The following MEGF10 variants were observed in gnomAD, a reference collection of about 807,000 sequenced individuals.
MEGF10 encodes the protein multiple epidermal growth factor-like domains protein 10.
In MEGF10, 86 loss-of-function variants were observed where a neutral mutation model predicts 147.5. The observed-to-expected ratio is 0.58, with a 90% CI of 0.49 to 0.70. The LOEUF is 0.70. MEGF10 is among the 30% of genes least tolerant of loss of function. MEGF10 has a pLI of 0.00. For synonymous variants in MEGF10, 478 were observed against 525.5 expected (o/e 0.91, Z 1.24); for missense variants, 1,329 against 1,487.3 (o/e 0.89, Z 1.75).
chr5:127,345,055 G>A (rs911464351), intron 4 of MEGF10, among the ~76,000 whole-genome samples: 19 of 152,268 alleles, frequency 1.2e-4, no homozygotes, highest in Middle Eastern at 6.8e-3. Context: ...GGGCCAGAGC[G>A]TCCTGGAGTT....
upstream of MEGF10, among the ~76,000 whole-genome samples, chr5:127,287,036 C>A (rs1004666534): frequency 6.6e-6 from 1 of 151,744 alleles, no homozygotes; most frequent in Non-Finnish European, 1.5e-5. Context: ...AGGAGAAAAA[C>A]CGTATAATAA....
the MEGF10 span, among the ~76,000 whole-genome samples, chr5:127,275,151 C>T: frequency 6.6e-6 from 1 of 152,166 alleles, no homozygotes; most frequent in Non-Finnish European, 1.5e-5. Context: ...ACTAACATAT[C>T]TGTTACCATA....
chr5:127,256,389 G>A, the MEGF10 span, among the ~76,000 whole-genome samples: 20 of 152,264 alleles, frequency 1.3e-4, no homozygotes, highest in African/African-American at 4.8e-4. Context: ...TACAACAGTC[G>A]TTTTGACCAA....
chr5:127,336,435 A>G (rs1290295765), intron 2 of MEGF10, among the ~76,000 whole-genome samples: 1 of 152,116 alleles, frequency 6.6e-6, no homozygotes, highest in Non-Finnish European at 1.5e-5. Context: ...AATCCTAAAT[A>G]CTTTGATTGT....
At chr5:127,275,703 T>C in the MEGF10 span, among the ~76,000 whole-genome samples, 1 of 152,160 alleles carries the variant, frequency 6.6e-6, no homozygotes, top group African/African-American at 2.4e-5. Context: ...TAAGGAAGGA[T>C]GGAAAAGTTT....
Position 127,438,507 on chromosome 5 carries a change from A to C in MEGF10, c.2173A>C (p.Ser725Arg), listed in dbSNP as rs1369014531. Residue 725 changes from serine to arginine, a missense_variant, in exon 17 of 25, where the codon AGC (serine) becomes CGC (arginine). By Grantham distance (110) the Ser-to-Arg change is moderately radical. Around this residue, in one of 3 missense-constraint regions of MEGF10, gnomAD observed 980 missense variants for 1,085.9 expected, o/e 0.90. Coordinates refer to ENST00000503335, the MANE Select transcript of MEGF10 (RefSeq NM_001256545.2). ...CAACTGCCATAATGGAGCTTTCTGCAGCGCCTACGATGGGGAATGTAAATG... is the reference window on the plus strand; with the variant it reads ...CAACTGCCATAATGGAGCTTTCTGCCGCGCCTACGATGGGGAATGTAAATG... Reference protein sequence around the residue: ...TCNCHNGAFCSAYDGECKCTP... With the variant: ...TCNCHNGAFCRAYDGECKCTP... The C allele has an allele frequency of 1.2e-6, 2 of 1,614,048 alleles. No individual in the cohort carries two copies. Among genetic ancestry groups the C allele is most frequent in the Non-Finnish European group, 1.7e-6 (2 of 1,180,000 alleles).
At chr5:127,267,819 C>T in the MEGF10 span, among the ~76,000 whole-genome samples, 1 of 152,042 alleles carries the variant, frequency 6.6e-6, no homozygotes, top group Non-Finnish European at 1.5e-5. Flanking sequence ...CTCTTTTCTT[C>T]TTTATTAGTC....
intron 4 of MEGF10, among the ~76,000 whole-genome samples, chr5:127,359,358 GT>G (rs1762393316): frequency 6.9e-6 from 1 of 145,462 alleles, no homozygotes; most frequent in Non-Finnish European, 1.5e-5. Context: ...GTTTTTTTTT[GT>G]TGTTTAAACA....
At chr5:127,412,336 A>G (rs1270065857) in intron 9 of MEGF10, among the ~76,000 whole-genome samples, 1 of 152,178 alleles carries the variant, frequency 6.6e-6, no homozygotes, top group Middle Eastern at 3.2e-3. Flanking sequence ...ATCTTGTTGA[A>G]TTAATCATTG....
intron 5 of MEGF10, among the ~76,000 whole-genome samples, chr5:127,393,521 G>T (rs1763782488): frequency 6.6e-6 from 1 of 152,174 alleles, no homozygotes. Flanking sequence ...TGTCCTACTT[G>T]TTCTTATACC....
chr5:127,387,594 C>T (rs1160270035), intron 5 of MEGF10, among the ~76,000 whole-genome samples: 2 of 152,134 alleles, frequency 1.3e-5, no homozygotes, highest in East Asian at 1.9e-4. Flanking sequence ...GGGTGTTCAG[C>T]GTGGCATAAG....
chr5:127,414,287 C>G (rs1764675667), intron 9 of MEGF10, among the ~76,000 whole-genome samples: 1 of 152,050 alleles, frequency 6.6e-6, no homozygotes, highest in South Asian at 2.1e-4. Flanking sequence ...TTGATTCTGC[C>G]TCACTACCTG....
In MEGF10 at chr5:127,417,741, A is replaced by T. The variant is rs769552696; in HGVS notation, c.1234A>T (p.Ile412Phe). The T allele has an allele frequency of 6.2e-7, 1 of 1,614,136 alleles. No individual in the cohort carries two copies. The highest frequency in any genetic ancestry group is 8.5e-7 in the Non-Finnish European group (1 of 1,180,028). ...PGFYGEACQQ[I>F]CSCQNGADCD... ...ATTCTACGGGGAAGCTTGCCAGCAG[A>T]TCTGCAGCTGCCAAAATGGGGCAGA... is the stretch of plus-strand genomic sequence containing the variant. Residue 412 changes from isoleucine (I) to phenylalanine (F), a missense_variant, in exon 10 of 25, where the codon ATC becomes TTC. Transcript: ENST00000503335.
chr5:127,286,521 A>G (rs185733895), upstream of MEGF10, among the ~76,000 whole-genome samples: 93 of 152,164 alleles, frequency 6.1e-4, no homozygotes, highest in African/African-American at 2.2e-3. Context: ...TGGGTTAAAG[A>G]AAAAATATTT....
At chr5:127,377,299 C>A (rs1660850428) in intron 5 of MEGF10, among the ~76,000 whole-genome samples, 3 of 152,172 alleles carry the variant, frequency 2.0e-5, no homozygotes, top group African/African-American at 7.2e-5. Context: ...TCCCAAACAT[C>A]TATAGAGAAA....
intron 1 of MEGF10, among the ~76,000 whole-genome samples, chr5:127,323,892 T>C (rs531328870): frequency 6.6e-6 from 1 of 152,318 alleles, no homozygotes; most frequent in South Asian, 2.1e-4. Flanking sequence ...CTTACTGTGT[T>C]GGTCTCTCCA....
intron 4 of MEGF10, among the ~76,000 whole-genome samples, chr5:127,351,284 G>T (rs1422998586): frequency 6.6e-6 from 1 of 151,920 alleles, no homozygotes; most frequent in Non-Finnish European, 1.5e-5. Flanking sequence ...TGCCATTTTT[G>T]TTTGTATCTT....
intron 4 of MEGF10, 44 bp from the exon 5 acceptor site, chr5:127,369,866 T>C: frequency 6.5e-7 from 1 of 1,534,268 alleles, no homozygotes; most frequent in East Asian, 2.3e-5. Flanking sequence ...GGCTTTTTTT[T>C]CTTGTGCCAA....
intron 5 of MEGF10, among the ~76,000 whole-genome samples, chr5:127,385,969 A>T (rs762237354): frequency 2.0e-5 from 3 of 152,196 alleles, no homozygotes; most frequent in Non-Finnish European, 2.9e-5. Flanking sequence ...TCATCTGGGC[A>T]TGGTAGCATG....
Sources: gnomAD v4.1 joint callset for allele counts (sites outside exome capture counted in the v4.1 genomes callset) on GRCh38, gnomAD v4.1.1 for gene constraint, gnomAD v4.1.1 regional missense constraint, MANE v1.5 for transcripts, NCBI Gene and HGNC (gene_info 2026-07-23, HGNC 2026-07-21) for gene names.